ANKH: variants seen among roughly 807,000 people sequenced by gnomAD.
ANKH encodes the protein mineralization regulator ANKH.
A neutral mutation model predicts 49.0 loss-of-function variants in ANKH; 15 were observed. The observed-to-expected ratio is 0.31, with a 90% CI of 0.20 to 0.47. The LOEUF (loss-of-function observed/expected upper bound fraction) is 0.47. Among genes scored for constraint, ANKH ranks in the 20% least tolerant of loss-of-function variants. The pLI is 1.00. For synonymous variants in ANKH, 273 were observed against 260.0 expected, an observed-to-expected ratio of 1.05 and a Z score of -0.48; for missense variants, 429 against 652.0, an observed-to-expected ratio of 0.66 and a Z score of 3.72.
At chr5:14,776,495 C>G (rs939216764) in intron 1 of ANKH, among the ~76,000 whole-genome samples, 3 of 152,152 alleles carry the variant, frequency 2.0e-5, no homozygotes, top group Non-Finnish European at 4.4e-5. Flanking sequence ...CCACAGCACA[C>G]TAGGAGTAAA....
chr5:14,835,301 G>C (rs1002619975), intron 1 of ANKH, among the ~76,000 whole-genome samples: 1 of 152,166 alleles, frequency 6.6e-6, no homozygotes, highest in African/African-American at 2.4e-5. Context: ...CCTCTGGTTA[G>C]TCACAGGAAT....
rs551536020 is a variant in ANKH, at chr5:14,775,256, A to C, written c.97-6065T>G. 2.6e-5 allele frequency among the ~76,000 whole-genome samples: 4 copies of C among 151,986 alleles called. No homozygotes were observed. In the South Asian group the frequency reaches 8.3e-4, roughly 32 times the overall value. On this transcript the variant is annotated intron_variant, in intron 1 of 11. Transcript: ENST00000284268. The stretch of plus-strand genomic sequence containing the variant: ...TACTTTTATTAATTTTTTTGTAGAG[A>C]TGGGGTCTTGCTGTGTGGCCCAGGC...
At position 14,745,491 on chromosome 5, in the gene ANKH, A is replaced by G. The variant is rs1166357887; in HGVS notation, c.915+379T>C. On this transcript the variant is annotated intron_variant, in intron 7 of 11. Coordinates refer to ENST00000284268, the MANE Select transcript of ANKH (RefSeq NM_054027.6). The surrounding 1 kb of genome is among the most constrained non-coding windows in gnomAD (Gnocchi z 4.7). ...GACAGCCACGCACGGCTTCCTGCCTACACCTTAGCCATCTGGTATGGGGTC... is the reference window on the plus strand; with the variant it reads ...GACAGCCACGCACGGCTTCCTGCCTGCACCTTAGCCATCTGGTATGGGGTC... Among the ~76,000 whole-genome samples, 1 of 152,204 alleles carries G rather than the reference A, an allele frequency of 6.6e-6. No individual in the cohort carries two copies. The highest frequency in any genetic ancestry group is 1.5e-5 in the Non-Finnish European group (1 of 68,046).
intron 4 of ANKH, among the ~76,000 whole-genome samples, chr5:14,754,363 C>T (rs1007060159): frequency 7.5e-6 from 1 of 133,416 alleles, no homozygotes; most frequent in Non-Finnish European, 1.6e-5. Flanking sequence ...TTTAAAAAAA[C>T]ACACATCTAC....
At chr5:14,829,125 A>AGTG (rs1741430686) in intron 1 of ANKH, among the ~76,000 whole-genome samples, 2 of 146,864 alleles carry the variant, frequency 1.4e-5, no homozygotes, top group South Asian at 4.4e-4. Flanking sequence ...TAGAGCTTGC[A>AGTG]GTGAGCCCAA....
intron 1 of ANKH, among the ~76,000 whole-genome samples, chr5:14,813,077 C>CA (rs1740934771): frequency 6.6e-6 from 1 of 151,912 alleles, no homozygotes; most frequent in Admixed American, 6.6e-5. Context: ...CCTATCTCTA[C>CA]AAAAAATTAA....
rs1736929643 is a variant in ANKH, at chr5:14,705,881, C to G, written c.*5316G>C. 6.6e-6 allele frequency: 1 copy of G among 152,196 alleles called. No individual in the cohort carries two copies. The allele number at this position is 152,196 out of a possible 1,614,324, so 9.4% of individuals were successfully genotyped here. ...GGGTCCCTGCATGTTCATGGCCCCA[C>G]ACTTCAGGGAACCAGCATCTACCCG... On this transcript the variant is annotated 3_prime_UTR_variant, in exon 12 of 12. Coordinates refer to ENST00000284268, the MANE Select transcript of ANKH (RefSeq NM_054027.6).
chr5:14,851,067 A>G (rs1742109479), intron 1 of ANKH, among the ~76,000 whole-genome samples: 1 of 152,140 alleles, frequency 6.6e-6, no homozygotes, highest in Non-Finnish European at 1.5e-5. Flanking sequence ...GAACCTGCCT[A>G]TGACATGGAA....
In ANKH at chr5:14,786,845, C is replaced by G. The variant is rs150355831; in HGVS notation, c.97-17654G>C. 2.8e-3 allele frequency among the ~76,000 whole-genome samples: 427 copies of G among 152,290 alleles called. 2 individuals carry two copies. Among genetic ancestry groups the G allele is most frequent in the Middle Eastern group, 0.014 (4 of 294 alleles). On this transcript the variant is annotated intron_variant, in intron 1 of 11. Transcript: ENST00000284268. ...ATCCATCTAAACAAAAGCCCCAGTACATAATGACATGTACAAATAGATGTT... is the reference window on the plus strand; with the variant it reads ...ATCCATCTAAACAAAAGCCCCAGTAGATAATGACATGTACAAATAGATGTT...
At chr5:14,800,389 G>A (rs997594567) in intron 1 of ANKH, among the ~76,000 whole-genome samples, 3 of 152,212 alleles carry the variant, frequency 2.0e-5, no homozygotes, top group African/African-American at 7.2e-5. Flanking sequence ...GTTCTACTGT[G>A]AGTAAAATGC....
At chr5:14,757,436 T>C (rs1265477349) in intron 3 of ANKH, among the ~76,000 whole-genome samples, 9 of 107,650 alleles carry the variant, frequency 8.4e-5, no homozygotes, top group East Asian at 6.9e-4. Context: ...ATATATTTTT[T>C]TTTTTTTTTT....
In ANKH at chr5:14,811,928, A is replaced by G. The variant is rs1406889223; in HGVS notation, c.97-42737T>C. 4.6e-5 allele frequency among the ~76,000 whole-genome samples: 7 copies of G among 152,332 alleles called. No homozygotes were observed. In the East Asian group the frequency reaches 1.4e-3, roughly 29 times the overall value. Reference sequence around the variant, plus strand: ...GGTCTGAAGACCACAGGACAAATAAATAACACCACTGTGGCTCATTAGAAG... The same window carrying G: ...GGTCTGAAGACCACAGGACAAATAAGTAACACCACTGTGGCTCATTAGAAG... On this transcript the variant is annotated intron_variant, in intron 1 of 11. Coordinates refer to ENST00000284268, the MANE Select transcript of ANKH (RefSeq NM_054027.6).
At position 14,711,427 on chromosome 5, in the gene ANKH, T is replaced by C. The variant is rs1392406197; in HGVS notation, c.1366-117A>G. ...GGACCCCTCACTGTAGGCTTAAACC[T>C]TCTTATGGTTGGGGTGGCGTCACCT... On this transcript the variant is annotated intron_variant, in intron 11 of 11. Transcript: ENST00000284268. 3.6e-6 allele frequency: 3 copies of C among 842,410 alleles called. No individual in the cohort carries two copies. The Admixed American group carries it at 5.6e-5, about 16-fold the overall frequency. The allele number at this position is 842,410 out of a possible 1,614,324, so 52.2% of individuals were successfully genotyped here.
At chr5:14,831,246 C>T (rs1232327140) in intron 1 of ANKH, among the ~76,000 whole-genome samples, 1 of 152,086 alleles carries the variant, frequency 6.6e-6, no homozygotes, top group Non-Finnish European at 1.5e-5. Context: ...AGCCAGCCAA[C>T]CCTCTGCATT....
intron 1 of ANKH, among the ~76,000 whole-genome samples, chr5:14,814,879 C>T (rs1008068384): frequency 2.6e-5 from 4 of 152,142 alleles, no homozygotes; most frequent in African/African-American, 7.2e-5. Context: ...TCAAATTTCA[C>T]GAGTTTGGGA....
intron 2 of ANKH, among the ~76,000 whole-genome samples, chr5:14,764,012 T>C (rs975440265): frequency 5.9e-5 from 9 of 151,900 alleles, no homozygotes; most frequent in African/African-American, 2.2e-4. Context: ...TGCCTGAGCC[T>C]GGGAGGCGGA....
At chr5:14,856,116 T>C (rs1029760743) in intron 1 of ANKH, among the ~76,000 whole-genome samples, 1 of 151,766 alleles carries the variant, frequency 6.6e-6, no homozygotes, top group Non-Finnish European at 1.5e-5. Context: ...GCCCAGGAGT[T>C]TGAGACCAGC....
At chr5:14,731,120 G>A (rs1012050742) in intron 8 of ANKH, among the ~76,000 whole-genome samples, 1 of 152,204 alleles carries the variant, frequency 6.6e-6, no homozygotes, top group Non-Finnish European at 1.5e-5. Flanking sequence ...CGTCCTCCGG[G>A]GGCAGCGGCC....
At position 14,711,017 on chromosome 5, in the gene ANKH, C is replaced by A. The variant is rs978199076; in HGVS notation, c.*180G>T. ...AGTAAAGACCATTCACTAGGTCCCC[C>A]CGTCAGTGTGAGCATACCCAGTATG... On this transcript the variant is annotated 3_prime_UTR_variant, in exon 12 of 12. Transcript: ENST00000284268. 6.1e-5 allele frequency: 40 copies of A among 654,120 alleles called. 1 individual carries two copies. In the East Asian group the frequency reaches 1.1e-3, roughly 17 times the overall value. The allele number at this position is 654,120 out of a possible 1,614,324, so 40.5% of individuals were successfully genotyped here.
Sources: gnomAD v4.1 joint callset for allele counts (sites outside exome capture counted in the v4.1 genomes callset) on GRCh38, gnomAD v4.1.1 for gene constraint, Gnocchi (gnomAD v3.1) non-coding constraint, MANE v1.5 for transcripts, NCBI Gene and HGNC (gene_info 2026-07-23, HGNC 2026-07-21) for gene names.